The following SLC22A25 variants were observed in gnomAD, a reference collection of about 807,000 sequenced individuals.
SLC22A25 encodes the protein MGI:2442751, MGI:2385316, MGI:3042283, MGI:3645714, MGI:3605624, MGI:2442750.
In SLC22A25, 44 loss-of-function variants were observed where a neutral mutation model predicts 45.9. That is an observed-to-expected ratio of 0.96 (90% CI 0.75 to 1.23). The LOEUF (loss-of-function observed/expected upper bound fraction) is 1.23, where lower values mean the gene tolerates loss of function less well. Among genes scored for constraint, SLC22A25 ranks in the 50% most tolerant of loss-of-function variants. The probability of loss-of-function intolerance (pLI) is 0.00; values close to 1 mark genes in which losing one functional copy is unlikely to be tolerated. For synonymous variants in SLC22A25, 283 were observed against 238.6 expected, an observed-to-expected ratio of 1.19 and a Z score of -1.72; for missense variants, 800 against 666.4, an observed-to-expected ratio of 1.20 and a Z score of -2.21.
At position 63,229,573 on chromosome 11, in the gene SLC22A25, A is replaced by G; in HGVS notation, c.80T>C (p.Phe27Ser). ...QILQMVFLIM[F>S]NVIVYHQTQL... ...AGTTTGATGGTATACTATGACGTTGAACATTATAAGGAAAACCATCTGAAG... is the reference window on the plus strand; with the variant it reads ...AGTTTGATGGTATACTATGACGTTGGACATTATAAGGAAAACCATCTGAAG... The change falls in exon 4 of 12, where the codon TTC becomes TCC. Residue 27 changes from phenylalanine to serine, a missense_variant. Coordinates refer to ENST00000306494, the MANE Select transcript of SLC22A25 (RefSeq NM_199352.6). The G allele has an allele frequency of 1.2e-6, 2 of 1,614,128 alleles. No homozygotes were observed. The highest frequency in any genetic ancestry group is 1.7e-6 in the Non-Finnish European group (2 of 1,179,974).
intron 9 of SLC22A25, among the ~76,000 whole-genome samples, chr11:63,175,059 A>C (rs2134722797): frequency 6.6e-6 from 1 of 152,202 alleles, no homozygotes; most frequent in African/African-American, 2.4e-5. Flanking sequence ...ACATCTTGGC[A>C]ATTATGAATA....
At chr11:63,173,899 C>CTTTTTTTTTTTTTTT (rs561742765) in intron 9 of SLC22A25, among the ~76,000 whole-genome samples, 1 of 140,726 alleles carries the variant, frequency 7.1e-6, no homozygotes, top group Non-Finnish European at 1.6e-5. Context: ...ATTTTCTTTT[C>CTTTTTTTTTTTTTTT]TTTTTTTTTT....
rs1342050402 is a variant in SLC22A25, at chr11:63,161,598, G to T, written c.*2226C>A. Among the ~76,000 whole-genome samples the T allele has an allele frequency of 2.6e-5, 4 of 152,254 alleles. No homozygotes were observed. The South Asian group carries it at 8.3e-4, about 32-fold the overall frequency. ...CACATGATCTGATGGTTTTATAAAA[G>T]GGAGTTTCCCTGCAAAAATTATCTT... On this transcript the variant is annotated 3_prime_UTR_variant, in exon 12 of 12. Coordinates refer to ENST00000306494, the MANE Select transcript of SLC22A25 (RefSeq NM_199352.6).
At chr11:63,184,928 A>C (rs1031063375) in intron 7 of SLC22A25, among the ~76,000 whole-genome samples, 5 of 152,138 alleles carry the variant, frequency 3.3e-5, no homozygotes, top group Admixed American at 1.3e-4. Context: ...GATGGCTGAC[A>C]TGACAGAAGC....
At chr11:63,223,659 G>T (rs1011399034) in intron 5 of SLC22A25, among the ~76,000 whole-genome samples, 2 of 151,264 alleles carry the variant, frequency 1.3e-5, no homozygotes, top group Admixed American at 6.6e-5. Flanking sequence ...GTTAATTTTT[G>T]ATTTAATATG....
chr11:63,180,728 C>CT lies in SLC22A25; in HGVS notation c.1001dup (p.His335AlafsTer5), dbSNP rs1322232841. ...TGCGGAGCAATTCACAAAGAGAATG[C>CT]TTTTTCTGTGCTGCCTCCAGTTCTT... On this transcript the variant is annotated frameshift_variant, in exon 9 of 12. Coordinates refer to ENST00000306494, the MANE Select transcript of SLC22A25 (RefSeq NM_199352.6). LOFTEE classifies it high-confidence loss of function. 2 of 1,613,160 alleles carry CT rather than the reference C, an allele frequency of 1.2e-6. No individual in the cohort carries two copies. The highest frequency in any genetic ancestry group is 2.2e-5 in the South Asian group (2 of 91,008).
intron 7 of SLC22A25, among the ~76,000 whole-genome samples, chr11:63,210,390 G>A (rs1214116002): frequency 6.6e-6 from 1 of 152,196 alleles, no homozygotes; most frequent in Non-Finnish European, 1.5e-5. Context: ...TGAGGCAGAG[G>A]CTGAGGAAGG....
intron 7 of SLC22A25, among the ~76,000 whole-genome samples, chr11:63,189,489 T>G (rs1461339897): frequency 6.6e-6 from 1 of 152,232 alleles, no homozygotes; most frequent in African/African-American, 2.4e-5. Flanking sequence ...GGGTCTTGAC[T>G]CTTTAAACAA....
At position 63,229,950 on chromosome 11, in the gene SLC22A25, T is replaced by G. The variant is rs1356914850; in HGVS notation, c.-298A>C. ...TAAACATTAGACATCTACTTATTGA[T>G]GTCTTTAGTAGCTCCCCAATAGCAG... is the stretch of plus-strand genomic sequence containing the variant. On this transcript the variant is annotated 5_prime_UTR_variant, in exon 4 of 12. Transcript: ENST00000306494. 2.0e-5 allele frequency among the ~76,000 whole-genome samples: 3 copies of G among 152,214 alleles called. No homozygotes were observed. Among genetic ancestry groups the G allele is most frequent in the African/African-American group, 4.8e-5 (2 of 41,448 alleles).
At chr11:63,237,660 C>T (rs2090187035) in intron 3 of SLC22A25, among the ~76,000 whole-genome samples, 1 of 152,122 alleles carries the variant, frequency 6.6e-6, no homozygotes, top group Non-Finnish European at 1.5e-5. Context: ...CATGTTGTGG[C>T]ACCAGATTTC....
At chr11:63,175,289 A>G (rs193072317) in intron 9 of SLC22A25, among the ~76,000 whole-genome samples, 21 of 152,140 alleles carry the variant, frequency 1.4e-4, no homozygotes, top group African/African-American at 5.1e-4. Context: ...TATTTATTCA[A>G]TTTATTTATG....
At chr11:63,178,353 A>C (rs1370692825) in intron 9 of SLC22A25, among the ~76,000 whole-genome samples, 6 of 152,158 alleles carry the variant, frequency 3.9e-5, no homozygotes, top group African/African-American at 1.2e-4. Context: ...ACTGCTGGAT[A>C]ATATGGTATT....
intron 7 of SLC22A25, among the ~76,000 whole-genome samples, chr11:63,212,974 G>T (rs906462281): frequency 6.6e-6 from 1 of 152,190 alleles, no homozygotes. Flanking sequence ...TTCACCTGCT[G>T]TGTGAAGCTG....
At chr11:63,197,207 T>A (rs2089071174) in intron 7 of SLC22A25, among the ~76,000 whole-genome samples, 2 of 152,022 alleles carry the variant, frequency 1.3e-5, no homozygotes, top group African/African-American at 4.8e-5. Context: ...TTCAATACCA[T>A]CCCCATCAAG....
intron 7 of SLC22A25, among the ~76,000 whole-genome samples, chr11:63,184,201 T>C (rs1376364441): frequency 7.1e-4 from 108 of 152,276 alleles, no homozygotes; most frequent in Non-Finnish European, 5.9e-5. Context: ...AAATAATTGA[T>C]GTATGCTTGA....
rs1377156505 is a variant in SLC22A25 at position 63,159,487 on chromosome 11, A to G, written c.*4337T>C. Among the ~76,000 whole-genome samples, 2 of 152,164 alleles carry G rather than the reference A, an allele frequency of 1.3e-5. No individual in the cohort carries two copies. Among genetic ancestry groups the G allele is most frequent in the Non-Finnish European group, 2.9e-5 (2 of 68,032 alleles). On this transcript the variant is annotated 3_prime_UTR_variant, in exon 12 of 12. Transcript: ENST00000306494. ...CAGAAATTCTCTTTTCCCTGCTGCC[A>G]TGTAAGTTGTGCCTTTCACCTTCTG...
At chr11:63,236,700 C>A (rs1013870635) in intron 3 of SLC22A25, among the ~76,000 whole-genome samples, 1 of 152,172 alleles carries the variant, frequency 6.6e-6, no homozygotes, top group African/African-American at 2.4e-5. Flanking sequence ...GTGAGATGAA[C>A]CCAGTACCTC....
chr11:63,218,849 A>G (rs2089785138), intron 5 of SLC22A25, among the ~76,000 whole-genome samples: 1 of 152,218 alleles, frequency 6.6e-6, no homozygotes, highest in Admixed American at 6.5e-5. Context: ...AGCTCTTGCC[A>G]ATTGTCATTT....
chr11:63,217,137 T>G (rs1259091927), intron 7 of SLC22A25, among the ~76,000 whole-genome samples, 177 bp downstream of exon 7: 1 of 152,256 alleles, frequency 6.6e-6, no homozygotes, highest in Non-Finnish European at 1.5e-5. Flanking sequence ...TTTAATTAAC[T>G]GTCCTTAATT....
Sources: gnomAD v4.1 joint callset for allele counts (sites outside exome capture counted in the v4.1 genomes callset) on GRCh38, gnomAD v4.1.1 for gene constraint, MANE v1.5 for transcripts, NCBI Gene and HGNC (gene_info 2026-07-23, HGNC 2026-07-21) for gene names.